The following CCDC148 variants were observed in gnomAD, a reference collection of about 807,000 sequenced individuals.
CCDC148 encodes the protein coiled-coil domain containing 148, also known as coiled-coil domain-containing protein 148.
A neutral mutation model predicts 85.7 loss-of-function variants in CCDC148; 89 were observed. That is an observed-to-expected ratio of 1.04 (90% CI 0.87 to 1.24). The LOEUF (loss-of-function observed/expected upper bound fraction) is 1.24. Among genes scored for constraint, CCDC148 ranks in the 50% most tolerant of loss-of-function variants. CCDC148 has a pLI of 0.00. For synonymous variants in CCDC148, 230 were observed against 213.9 expected, an observed-to-expected ratio of 1.08 and a Z score of -0.66; for missense variants, 692 against 671.7, an observed-to-expected ratio of 1.03 and a Z score of -0.33.
At chr2:158,409,190 A>G (rs1039791507) in intron 1 of CCDC148, among the ~76,000 whole-genome samples, 5 of 152,182 alleles carry the variant, frequency 3.3e-5, no homozygotes, top group African/African-American at 1.2e-4. Context: ...CAGAGTCCCT[A>G]CTGGGGAACT....
At position 158,381,717 on chromosome 2, in the gene CCDC148, T is replaced by C. The variant is rs189887392; in HGVS notation, c.26-23147A>G. On this transcript the variant is annotated intron_variant, in intron 1 of 13. Transcript: ENST00000283233. ...CACAGCCTGGGCAACAAACAGATAC[T>C]GACTCTACAAAAAAAATGAAAAACT... 3.2e-3 allele frequency among the ~76,000 whole-genome samples: 482 copies of C among 152,202 alleles called. 1 individual carries two copies. The highest frequency in any genetic ancestry group is 5.4e-3 in the Non-Finnish European group (367 of 67,998).
At chr2:158,420,297 C>T (rs1686709765) in intron 1 of CCDC148, among the ~76,000 whole-genome samples, 1 of 151,944 alleles carries the variant, frequency 6.6e-6, no homozygotes, top group Non-Finnish European at 1.5e-5. Context: ...ACATAATTAT[C>T]AGATTCACCA....
intron 9 of CCDC148, among the ~76,000 whole-genome samples, chr2:158,287,740 C>G (rs1489078073): frequency 6.6e-6 from 1 of 152,186 alleles, no homozygotes; most frequent in African/African-American, 2.4e-5. Context: ...TTTCCAGGTG[C>G]AAGGTGCAAG....
intron 9 of CCDC148, among the ~76,000 whole-genome samples, chr2:158,274,465 T>C (rs1689835742): frequency 6.6e-6 from 1 of 152,202 alleles, no homozygotes; most frequent in Non-Finnish European, 1.5e-5. Context: ...GGCCAATGTG[T>C]CTCCTGGTGA....
intron 3 of CCDC148, among the ~76,000 whole-genome samples, chr2:158,341,318 T>C (rs1450216157): frequency 6.6e-6 from 1 of 151,668 alleles, no homozygotes; most frequent in Non-Finnish European, 1.5e-5. Context: ...TATTTTTTTT[T>C]TTTTTTTGGA....
intron 10 of CCDC148, among the ~76,000 whole-genome samples, chr2:158,231,036 C>T (rs542502994): frequency 2.6e-5 from 4 of 152,002 alleles, no homozygotes; most frequent in African/African-American, 9.7e-5. Context: ...CTTGACAAGC[C>T]CATAAGACCT....
At chr2:158,180,823 A>G (rs991704994) in intron 11 of CCDC148, among the ~76,000 whole-genome samples, 4 of 152,174 alleles carry the variant, frequency 2.6e-5, no homozygotes, top group African/African-American at 9.6e-5. Context: ...ATCCTTGTGG[A>G]ATACAAAACC....
rs967226971 is a variant in CCDC148 at position 158,456,610 on chromosome 2, A to G, written c.-171T>C. 6 of 795,096 alleles carry G rather than the reference A, an allele frequency of 7.5e-6. No homozygotes were observed. In the African/African-American group the frequency reaches 1.1e-4, roughly 14 times the overall value. The allele number at this position is 795,096 out of a possible 1,614,324, so 49.3% of individuals were successfully genotyped here. A position where few individuals can be genotyped will look rare whatever the true frequency, so the allele number is the denominator to read the frequency against. On this transcript the variant is annotated 5_prime_UTR_variant, in exon 1 of 14. Transcript: ENST00000283233. The stretch of plus-strand genomic sequence containing the variant: ...GTTGGGATTGGCAGTAAGGCAAGGA[A>G]AGCCTGCCCCAGATTTCAGAGCCAG...
At chr2:158,269,966 ATT>A (rs2105161371) in intron 9 of CCDC148, among the ~76,000 whole-genome samples, 1 of 152,280 alleles carries the variant, frequency 6.6e-6, no homozygotes, top group South Asian at 2.1e-4. Context: ...CTACACTAAT[ATT>A]CTCTGTAAGG....
intron 7 of CCDC148, among the ~76,000 whole-genome samples, chr2:158,317,932 G>T (rs1427066220): frequency 6.6e-6 from 1 of 152,174 alleles, no homozygotes; most frequent in African/African-American, 2.4e-5. Context: ...AGTGTTAGGG[G>T]ACACCTACTG....
intron 9 of CCDC148, among the ~76,000 whole-genome samples, chr2:158,255,803 AG>A (rs991626974): frequency 1.8e-4 from 27 of 151,926 alleles, no homozygotes; most frequent in African/African-American, 6.5e-4. Flanking sequence ...TGTGTGTTAT[AG>A]GAAAGCATTA....
intron 1 of CCDC148, among the ~76,000 whole-genome samples, chr2:158,362,630 G>C (rs1308016528): frequency 6.6e-6 from 1 of 152,134 alleles, no homozygotes; most frequent in Non-Finnish European, 1.5e-5. Context: ...TGAGAACAAA[G>C]ACACAAGGTA....
rs376328732 is a variant in CCDC148, at chr2:158,336,207, T to C, written c.764+2519A>G. Among the ~76,000 whole-genome samples the C allele has an allele frequency of 3.3e-4, 51 of 152,288 alleles. No homozygotes were observed. The South Asian group carries it at 9.5e-3, about 28-fold the overall frequency. Reference sequence around the variant, plus strand: ...ACAAATAATGTTATGATTGAACCTATAATTCATTGTCTTAGGTAGAACAGT... The same window carrying C: ...ACAAATAATGTTATGATTGAACCTACAATTCATTGTCTTAGGTAGAACAGT... On this transcript the variant is annotated intron_variant, in intron 7 of 13. Coordinates refer to ENST00000283233, the MANE Select transcript of CCDC148 (RefSeq NM_138803.4).
intron 1 of CCDC148, among the ~76,000 whole-genome samples, chr2:158,448,119 T>G (rs1688235886): frequency 1.3e-5 from 2 of 152,042 alleles, no homozygotes; most frequent in Admixed American, 6.5e-5. Flanking sequence ...CAGTAGTATT[T>G]CTTTAAAAAA....
intron 11 of CCDC148, among the ~76,000 whole-genome samples, chr2:158,213,482 G>C (rs1326503871): frequency 6.6e-6 from 1 of 152,124 alleles, no homozygotes; most frequent in Admixed American, 6.5e-5. Flanking sequence ...AAATACAGAG[G>C]AATAAGATTG....
At chr2:158,199,775 G>A (rs1329540134) in intron 11 of CCDC148, among the ~76,000 whole-genome samples, 1 of 152,092 alleles carries the variant, frequency 6.6e-6, no homozygotes, top group Non-Finnish European at 1.5e-5. Context: ...TCATTATTGG[G>A]AACGAGCAAA....
rs375049955 is a variant in CCDC148 at position 158,309,416 on chromosome 2, C to T, written c.1110+17G>A. ...AAATATCCAGACAAATACTGAAACA[C>T]CTGTGCAGCATCTTACCTTGGCTTT... On this transcript the variant is annotated intron_variant, in intron 9 of 13. Transcript: ENST00000283233. 1 of 1,597,090 alleles carries T rather than the reference C, an allele frequency of 6.3e-7. No individual in the cohort carries two copies. Among genetic ancestry groups the T allele is most frequent in the East Asian group, 2.2e-5 (1 of 44,720 alleles).
intron 11 of CCDC148, among the ~76,000 whole-genome samples, chr2:158,201,771 C>G (rs555165041): frequency 6.6e-6 from 1 of 151,944 alleles, no homozygotes; most frequent in Non-Finnish European, 1.5e-5. Flanking sequence ...TATTATCTTA[C>G]TTGGGAGGGG....
intron 10 of CCDC148, among the ~76,000 whole-genome samples, chr2:158,221,269 T>A (rs1574429746): frequency 6.6e-6 from 1 of 152,256 alleles, no homozygotes; most frequent in South Asian, 2.1e-4. Flanking sequence ...CTGACTTATG[T>A]GGTAAAATAA....
Sources: gnomAD v4.1 joint callset for allele counts (sites outside exome capture counted in the v4.1 genomes callset) on GRCh38, gnomAD v4.1.1 for gene constraint, MANE v1.5 for transcripts, NCBI Gene and HGNC (gene_info 2026-07-23, HGNC 2026-07-21) for gene names.